The following ME3 variants were observed in gnomAD, a reference collection of about 807,000 sequenced individuals.
ME3 encodes NADP-dependent malic enzyme, mitochondrial.
A neutral mutation model predicts 68.9 loss-of-function variants in ME3; 48 were observed. The ratio of observed to expected loss-of-function variants is 0.70; its 90% CI spans 0.55 to 0.89. ME3 has a LOEUF of 0.89. Among genes scored for constraint, ME3 ranks in the 40% least tolerant of loss-of-function variants. ME3 has a pLI of 0.00. For synonymous variants in ME3, 320 were observed against 318.8 expected (o/e 1.00, Z -0.04); for missense variants, 675 against 797.4 (o/e 0.85, Z 1.85).
intron 9 of ME3, 99 bp downstream of exon 9, chr11:86,450,202 C>T: frequency 8.3e-7 from 1 of 1,210,170 alleles, no homozygotes; most frequent in Non-Finnish European, 1.2e-6. Context: ...GTGCTGCTTC[C>T]TCTTTTCAGA....
At chr11:86,468,895 G>T (rs941289474) in intron 7 of ME3, among the ~76,000 whole-genome samples, 3 of 152,252 alleles carry the variant, frequency 2.0e-5, no homozygotes, top group African/African-American at 7.2e-5. Context: ...ACCTTATGAT[G>T]TAGGCGCTGT....
intron 2 of ME3, among the ~76,000 whole-genome samples, chr11:86,578,800 A>G (rs1958271108): frequency 6.6e-6 from 1 of 152,114 alleles, no homozygotes. Context: ...TTTACACTTC[A>G]CTGCTTTGTT....
At chr11:86,506,399 A>G (rs1565873990) in intron 5 of ME3, among the ~76,000 whole-genome samples, 1 of 152,218 alleles carries the variant, frequency 6.6e-6, no homozygotes, top group Admixed American at 6.5e-5. Flanking sequence ...CAACCACAAT[A>G]CGAAGCAATT....
At chr11:86,444,885 G>A (rs1467336987) in intron 13 of ME3, among the ~76,000 whole-genome samples, 1 of 152,110 alleles carries the variant, frequency 6.6e-6, no homozygotes, top group Non-Finnish European at 1.5e-5. Context: ...GCTCCTATAG[G>A]GGAGGGACCT....
intron 6 of ME3, among the ~76,000 whole-genome samples, chr11:86,490,600 T>C (rs1179842765): frequency 6.6e-6 from 1 of 152,202 alleles, no homozygotes; most frequent in Non-Finnish European, 1.5e-5. Context: ...AAGAGACTAT[T>C]TAAAGTGGAG....
intron 4 of ME3, among the ~76,000 whole-genome samples, chr11:86,539,539 A>G (rs1170829724): frequency 1.3e-5 from 2 of 152,196 alleles, no homozygotes; most frequent in Non-Finnish European, 2.9e-5. Flanking sequence ...GCCAACCACA[A>G]AGATGGTGCT....
intron 4 of ME3, among the ~76,000 whole-genome samples, chr11:86,546,153 C>G (rs967673534): frequency 1.6e-4 from 24 of 152,152 alleles, no homozygotes; most frequent in African/African-American, 5.6e-4. Context: ...ACACCTTATA[C>G]AAAAATTTAC....
At chr11:86,494,488 T>A (rs1181636099) in intron 6 of ME3, among the ~76,000 whole-genome samples, 1 of 152,010 alleles carries the variant, frequency 6.6e-6, no homozygotes, top group Non-Finnish European at 1.5e-5. Context: ...GAGAATAATA[T>A]ACTGGGGAGG....
intron 14 of ME3, among the ~76,000 whole-genome samples, 154 bp downstream of exon 14, chr11:86,442,667 A>G (rs114947489): frequency 0.016 from 2,368 of 152,134 alleles, 55 homozygotes; most frequent in African/African-American, 0.052. Context: ...AGCTGCAAAC[A>G]AGAGTTTGTC....
intron 2 of ME3, among the ~76,000 whole-genome samples, chr11:86,641,011 A>G (rs565441504): frequency 6.9e-4 from 94 of 137,168 alleles, no homozygotes; most frequent in African/African-American, 2.4e-3. Context: ...AGCTAAGCAC[A>G]CATATAACCT....
intron 12 of ME3, 173 bp downstream of exon 12, chr11:86,446,892 T>G: frequency 1.3e-5 from 12 of 897,586 alleles, no homozygotes; most frequent in Non-Finnish European, 2.0e-5. Flanking sequence ...GACCTGGGTT[T>G]GACAGCCAGC....
chr11:86,656,857 G>GAA (rs61638542), intron 2 of ME3, among the ~76,000 whole-genome samples: 114 of 147,768 alleles, frequency 7.7e-4, no homozygotes, highest in Middle Eastern at 7.0e-3. Flanking sequence ...ATAAACATAT[G>GAA]AAAAAAAAAA....
rs952068171 is a variant in ME3 at position 86,574,117 on chromosome 11, T to C, written c.184-14294A>G. Among the ~76,000 whole-genome samples the C allele has an allele frequency of 2.0e-5, 3 of 152,216 alleles. No individual in the cohort carries two copies. In the East Asian group the frequency reaches 5.8e-4, roughly 29 times the overall value. ...AGTTAGCAGGTCCTGGAACATTTTATCAAGGTTTTTAACTTCCTTCCTTTG... is the reference window on the plus strand; with the variant it reads ...AGTTAGCAGGTCCTGGAACATTTTACCAAGGTTTTTAACTTCCTTCCTTTG... On this transcript the variant is annotated intron_variant, in intron 2 of 14. Coordinates refer to ENST00000543262, the Ensembl canonical transcript of ME3.
chr11:86,629,580 A>G (rs1565238200), intron 2 of ME3, among the ~76,000 whole-genome samples: 1 of 152,064 alleles, frequency 6.6e-6, no homozygotes, highest in East Asian at 1.9e-4. Flanking sequence ...TTGAAGTTTT[A>G]CTCTCAGAGA....
chr11:86,589,527 A>G (rs904860172), intron 2 of ME3, among the ~76,000 whole-genome samples: 2 of 152,226 alleles, frequency 1.3e-5, no homozygotes, highest in African/African-American at 4.8e-5. Flanking sequence ...AAGGCATGTC[A>G]GGAAACAGAG....
chr11:86,518,972 C>T (rs1219787703), intron 4 of ME3, among the ~76,000 whole-genome samples: 1 of 152,228 alleles, frequency 6.6e-6, no homozygotes, highest in Non-Finnish European at 1.5e-5. Flanking sequence ...GTGTCCCCCA[C>T]AGGTGTCAGA....
At chr11:86,537,657 A>G (rs1955769258) in intron 4 of ME3, among the ~76,000 whole-genome samples, 1 of 152,242 alleles carries the variant, frequency 6.6e-6, no homozygotes, top group Non-Finnish European at 1.5e-5. Flanking sequence ...ATCTGTTCCC[A>G]TGTCAGGCTT....
intron 2 of ME3, among the ~76,000 whole-genome samples, chr11:86,669,080 C>G (rs933763828): frequency 3.9e-5 from 6 of 152,222 alleles, no homozygotes; most frequent in African/African-American, 1.4e-4. Context: ...TCAAGCCTTC[C>G]ATGGAGACTC....
intron 2 of ME3, among the ~76,000 whole-genome samples, chr11:86,567,233 GAAAA>G (rs753900265): frequency 7.7e-5 from 7 of 90,784 alleles, no homozygotes; most frequent in Non-Finnish European, 1.5e-4. Flanking sequence ...AAGAAAGAAA[GAAAA>G]GAAAGAAAGG....
Sources: allele counts gnomAD v4.1 joint callset (sites outside exome capture counted in the v4.1 genomes callset), GRCh38; gene constraint gnomAD v4.1.1; transcripts MANE v1.5; gene names NCBI Gene and HGNC (gene_info 2026-07-23, HGNC 2026-07-21).